Variants in SSH2 observed in about 807,000 individuals in gnomAD.
SSH2 encodes protein phosphatase Slingshot homolog 2.
Under a neutral mutation model 135.2 loss-of-function variants are expected in SSH2, and 37 were observed. The ratio of observed to expected loss-of-function variants is 0.27; its 90% CI spans 0.21 to 0.36. The LOEUF (loss-of-function observed/expected upper bound fraction) is 0.36. Among genes scored for constraint, SSH2 ranks in the 10% least tolerant of loss-of-function variants. The pLI, the probability that SSH2 is intolerant of heterozygous loss-of-function variation, is 1.00. For synonymous variants in SSH2, 628 were observed against 646.2 expected, an observed-to-expected ratio of 0.97 and a Z score of 0.43; for missense variants, 1,408 against 1,765.3, an observed-to-expected ratio of 0.80 and a Z score of 3.63.
chr17:29,859,799 G>T (rs762223512), intron 1 of SSH2, among the ~76,000 whole-genome samples: 2 of 152,218 alleles, frequency 1.3e-5, no homozygotes, highest in Admixed American at 6.5e-5. Flanking sequence ...ATTCCTTTGG[G>T]TATATATCCA....
At chr17:29,679,464 A>G (rs1204810694) in intron 6 of SSH2, among the ~76,000 whole-genome samples, 1 of 151,324 alleles carries the variant, frequency 6.6e-6, no homozygotes, top group African/African-American at 2.4e-5. Flanking sequence ...CTGGAGTGCA[A>G]TGGTGTGATA....
chr17:29,784,593 CT>C (rs2041920632), intron 3 of SSH2, among the ~76,000 whole-genome samples: 1 of 96,230 alleles, frequency 1.0e-5, no homozygotes, highest in Non-Finnish European at 1.9e-5. Context: ...AGCTAGACTC[CT>C]TCTCAAAAAA....
chr17:29,700,925 G>A (rs908385225), intron 4 of SSH2, among the ~76,000 whole-genome samples: 2 of 151,846 alleles, frequency 1.3e-5, no homozygotes, highest in African/African-American at 4.8e-5. Context: ...GAGTAGCTGG[G>A]ACTACAGGCG....
chr17:29,866,295 T>C (rs2065854803), intron 1 of SSH2, among the ~76,000 whole-genome samples: 1 of 151,366 alleles, frequency 6.6e-6, no homozygotes, highest in Admixed American at 6.6e-5. Flanking sequence ...ATTCCTAAAC[T>C]AGCAACTGAT....
intron 6 of SSH2, among the ~76,000 whole-genome samples, chr17:29,679,878 C>T (rs2037892905): frequency 1.3e-5 from 2 of 152,136 alleles, no homozygotes; most frequent in African/African-American, 2.4e-5. Flanking sequence ...ATTTATTGAA[C>T]ATCTACTATG....
At chr17:29,922,423 G>A (rs1189165024) in intron 1 of SSH2, among the ~76,000 whole-genome samples, 2 of 152,206 alleles carry the variant, frequency 1.3e-5, no homozygotes, top group Admixed American at 6.5e-5. Flanking sequence ...AAATACGATT[G>A]AAGTGAGTGT....
At chr17:29,756,505 T>A (rs894230248) in intron 3 of SSH2, among the ~76,000 whole-genome samples, 1 of 130,874 alleles carries the variant, frequency 7.6e-6, no homozygotes, top group South Asian at 2.8e-4. Context: ...CTCTCTCTTA[T>A]CTATTTATTA....
At chr17:29,766,445 G>A (rs2041449892) in intron 3 of SSH2, among the ~76,000 whole-genome samples, 1 of 151,286 alleles carries the variant, frequency 6.6e-6, no homozygotes. Flanking sequence ...GCAACAGAGT[G>A]AGACGCTGTC....
intron 15 of SSH2, 28 bp from the exon 16 acceptor site, chr17:29,632,959 A>T: frequency 6.4e-7 from 1 of 1,559,482 alleles, no homozygotes; most frequent in Non-Finnish European, 8.7e-7. Context: ...TGAGAAGATT[A>T]TGGCAAACTG....
chr17:29,673,485 G>A (rs779812681), intron 8 of SSH2, among the ~76,000 whole-genome samples: 1 of 151,794 alleles, frequency 6.6e-6, no homozygotes, highest in Non-Finnish European at 1.5e-5. Flanking sequence ...AGGGAGAATC[G>A]CTTGAACCTG....
intron 1 of SSH2, among the ~76,000 whole-genome samples, chr17:29,923,868 T>C (rs2067019171): frequency 6.6e-6 from 1 of 152,088 alleles, no homozygotes; most frequent in African/African-American, 2.4e-5. Context: ...ATCATGCCAC[T>C]ACACTCCAGT....
chr17:29,654,465 T>G (rs1270312166), intron 12 of SSH2, among the ~76,000 whole-genome samples: 1 of 152,134 alleles, frequency 6.6e-6, no homozygotes, highest in Non-Finnish European at 1.5e-5. Flanking sequence ...ATTTATCCAC[T>G]AATGGTAAAG....
chr17:29,842,965 A>G (rs2043069033), intron 2 of SSH2, among the ~76,000 whole-genome samples: 1 of 152,122 alleles, frequency 6.6e-6, no homozygotes. Flanking sequence ...TTAGCACCAA[A>G]TTTCCCTTTT....
chr17:29,819,817 T>C (rs1046696019), intron 2 of SSH2, among the ~76,000 whole-genome samples: 2 of 152,182 alleles, frequency 1.3e-5, no homozygotes, highest in Admixed American at 1.3e-4. Context: ...GACCATTACC[T>C]GGGACAATTA....
chr17:29,657,344 A>G (rs1175588653), intron 11 of SSH2, among the ~76,000 whole-genome samples: 1 of 151,050 alleles, frequency 6.6e-6, no homozygotes, highest in East Asian at 2.0e-4. Flanking sequence ...ATCTCGGCTC[A>G]CTGCAACCTC....
intron 5 of SSH2, among the ~76,000 whole-genome samples, chr17:29,690,280 C>A (rs1354197628): frequency 6.6e-6 from 1 of 151,622 alleles, no homozygotes; most frequent in Non-Finnish European, 1.5e-5. Context: ...TGGCGCATGC[C>A]GGTAATCCCA....
rs866468146 is a variant in SSH2 at position 29,911,672 on chromosome 17, C to T, written c.63+18266G>A. Among the ~76,000 whole-genome samples the T allele has an allele frequency of 2.4e-4, 37 of 152,102 alleles. 1 individual carries two copies. Among genetic ancestry groups the T allele is most frequent in the African/African-American group, 8.7e-4 (36 of 41,412 alleles). On this transcript the variant is annotated intron_variant, in intron 1 of 15. Transcript: ENST00000540801. ...GGCTCAGAAAGATCAAGCAAACTTACCCCCAAAAAACACTGCTAACAAGTC... is the reference window on the plus strand; with the variant it reads ...GGCTCAGAAAGATCAAGCAAACTTATCCCCAAAAAACACTGCTAACAAGTC...
chr17:29,823,522 C>G (rs1428633062), intron 2 of SSH2, among the ~76,000 whole-genome samples: 1 of 152,134 alleles, frequency 6.6e-6, no homozygotes, highest in African/African-American at 2.4e-5. Flanking sequence ...TGCTTAGGCT[C>G]TAACATCGAA....
intron 1 of SSH2, among the ~76,000 whole-genome samples, chr17:29,908,375 T>G (rs1272117915): frequency 1.3e-5 from 2 of 152,112 alleles, no homozygotes; most frequent in African/African-American, 4.8e-5. Flanking sequence ...GGAGGATCAC[T>G]TGGGCCCAGG....
Sources: gnomAD v4.1 joint callset for allele counts (sites outside exome capture counted in the v4.1 genomes callset) on GRCh38, gnomAD v4.1.1 for gene constraint, MANE v1.5 for transcripts, NCBI Gene and HGNC (gene_info 2026-07-23, HGNC 2026-07-21) for gene names.